KIF5C: variants seen among roughly 807,000 people sequenced by gnomAD.
KIF5C encodes the protein kinesin family member 5C.
In KIF5C, 18 loss-of-function variants were observed where a neutral mutation model predicts 125.2. The observed-to-expected ratio is 0.14, with a 90% CI of 0.10 to 0.21. The LOEUF (loss-of-function observed/expected upper bound fraction) is 0.21, where lower values mean the gene tolerates loss of function less well. Among genes scored for constraint, KIF5C ranks in the 10% least tolerant of loss-of-function variants. The pLI is 1.00. For missense variants in KIF5C, 780 were observed against 1,183.8 expected (o/e 0.66, Z 5.01); for synonymous variants, 405 against 434.0 (o/e 0.93, Z 0.83).
chr2:148,915,733 A>G (rs1681519760), intron 1 of KIF5C, among the ~76,000 whole-genome samples: 1 of 152,218 alleles, frequency 6.6e-6, no homozygotes, highest in Non-Finnish European at 1.5e-5. Context: ...ATGGAAGTGC[A>G]GGTTTCTTTG....
intron 1 of KIF5C, among the ~76,000 whole-genome samples, chr2:148,899,617 C>T (rs1166266481): frequency 1.3e-5 from 2 of 149,276 alleles, no homozygotes; most frequent in Non-Finnish European, 3.0e-5. Context: ...GCAGGAGAAT[C>T]GCTTGATTCC....
chr2:148,961,329 A>C (rs2105129817), intron 10 of KIF5C, among the ~76,000 whole-genome samples: 1 of 152,234 alleles, frequency 6.6e-6, no homozygotes, highest in South Asian at 2.1e-4. Flanking sequence ...GCAGGGAGCC[A>C]TGGTGTCCTC....
intron 3 of KIF5C, among the ~76,000 whole-genome samples, chr2:148,931,468 C>T (rs1682184623): frequency 1.3e-5 from 2 of 151,704 alleles, no homozygotes; most frequent in Non-Finnish European, 2.9e-5. Context: ...CGAGACCAGC[C>T]TGGCTAACAT....
intron 1 of KIF5C, among the ~76,000 whole-genome samples, chr2:148,901,097 T>G (rs1357069840): frequency 6.6e-6 from 1 of 152,138 alleles, no homozygotes; most frequent in Non-Finnish European, 1.5e-5. Flanking sequence ...CTTAGGTGGT[T>G]GTTGCGAGAT....
intron 1 of KIF5C, among the ~76,000 whole-genome samples, chr2:148,906,014 T>G (rs1233271793): frequency 1.3e-5 from 2 of 152,014 alleles, no homozygotes; most frequent in Admixed American, 6.5e-5. Flanking sequence ...GGTACCCCCA[T>G]GACATGTGGG....
At chr2:148,975,647 C>T (rs1466923154) in intron 12 of KIF5C, among the ~76,000 whole-genome samples, 1 of 152,208 alleles carries the variant, frequency 6.6e-6, no homozygotes, top group African/African-American at 2.4e-5. Context: ...CCCTTCTGTT[C>T]CTCCGTGCTG....
chr2:148,973,776 A>C (rs1465251278), intron 12 of KIF5C, among the ~76,000 whole-genome samples: 1 of 152,078 alleles, frequency 6.6e-6, no homozygotes, highest in Non-Finnish European at 1.5e-5. Flanking sequence ...TAGAAATTGG[A>C]CTGGGCTGAT....
intron 1 of KIF5C, among the ~76,000 whole-genome samples, chr2:148,921,714 C>T (rs1035396470): frequency 3.3e-5 from 5 of 152,178 alleles, no homozygotes; most frequent in African/African-American, 9.7e-5. Context: ...AGGCATTTTG[C>T]GTTTTCCTAT....
At chr2:149,003,127 T>A (rs1681906971) in intron 21 of KIF5C, among the ~76,000 whole-genome samples, 1 of 152,224 alleles carries the variant, frequency 6.6e-6, no homozygotes, top group Non-Finnish European at 1.5e-5. Flanking sequence ...AATCCAAGAG[T>A]GGAGCCCTGC....
At chr2:149,013,215 A>G (rs1179586650) in intron 25 of KIF5C, among the ~76,000 whole-genome samples, 1 of 152,266 alleles carries the variant, frequency 6.6e-6, no homozygotes, top group East Asian at 1.9e-4. Context: ...CAGTGAAAAC[A>G]GAAACCTAGC....
intron 25 of KIF5C, among the ~76,000 whole-genome samples, chr2:149,013,998 G>A (rs1006146852): frequency 2.6e-5 from 4 of 152,062 alleles, no homozygotes; most frequent in Admixed American, 6.5e-5. Context: ...GTATACATGT[G>A]CCATGATGGT....
chr2:148,920,825 C>T (rs1029889402), intron 1 of KIF5C, among the ~76,000 whole-genome samples: 8 of 152,178 alleles, frequency 5.3e-5, no homozygotes, highest in Admixed American at 5.2e-4. Context: ...CGAGGAGTCC[C>T]ACTGTCCTTG....
At chr2:148,974,194 AGAATT>A (rs1680997291) in intron 12 of KIF5C, among the ~76,000 whole-genome samples, 1 of 152,240 alleles carries the variant, frequency 6.6e-6, no homozygotes, top group Non-Finnish European at 1.5e-5. Flanking sequence ...CAGAGGCATG[AGAATT>A]GAATTGATGT....
chr2:148,976,884 T>G (rs1574806200), intron 12 of KIF5C, among the ~76,000 whole-genome samples: 1 of 152,346 alleles, frequency 6.6e-6, no homozygotes, highest in East Asian at 1.9e-4. Flanking sequence ...ACTGGCCTTA[T>G]GTTATTTCAT....
chr2:149,022,457 A>G (rs1682560317), intron 25 of KIF5C, among the ~76,000 whole-genome samples: 1 of 152,006 alleles, frequency 6.6e-6, no homozygotes, highest in Non-Finnish European at 1.5e-5. Flanking sequence ...CCAGATTGCA[A>G]ACACTATTGT....
rs944256253 is a variant in KIF5C, at chr2:148,924,103, G to A, written c.217+1876G>A. ...AAAAGGAATTGATGAAGGTCTGATT[G>A]GATTTCACAAATATCCACTGAGGCT... On this transcript the variant is annotated intron_variant, in intron 2 of 25. Coordinates refer to ENST00000435030, the MANE Select transcript of KIF5C (RefSeq NM_004522.3). The surrounding 1 kb of genome is among the most constrained non-coding windows in gnomAD (Gnocchi z 4.0). Among the ~76,000 whole-genome samples the A allele has an allele frequency of 6.6e-6, 1 of 152,134 alleles. No individual in the cohort carries two copies. The highest frequency in any genetic ancestry group is 2.4e-5 in the African/African-American group (1 of 41,424).
At position 148,997,998 on chromosome 2, in the gene KIF5C, A is replaced by C. The variant is rs1030846950; in HGVS notation, c.2101-402A>C. 1.2e-4 allele frequency: 26 copies of C among 212,764 alleles called. 1 individual carries two copies. The East Asian group carries it at 2.7e-3, about 22-fold the overall frequency. The allele number at this position is 212,764 out of a possible 1,614,324, so 13.2% of individuals were successfully genotyped here. A position where few individuals can be genotyped will look rare whatever the true frequency, so the allele number is the denominator to read the frequency against. On this transcript the variant is annotated intron_variant, in intron 18 of 25. Coordinates refer to ENST00000435030, the MANE Select transcript of KIF5C (RefSeq NM_004522.3). ...ATCATCATAAATCTGTGCAGTGGGCAGGGCAGGGGCTTTTATCTCAGTTTT... is the reference window on the plus strand; with the variant it reads ...ATCATCATAAATCTGTGCAGTGGGCCGGGCAGGGGCTTTTATCTCAGTTTT...
chr2:149,017,946 T>A (rs767487202), intron 25 of KIF5C, among the ~76,000 whole-genome samples: 4 of 152,162 alleles, frequency 2.6e-5, no homozygotes, highest in Non-Finnish European at 5.9e-5. Flanking sequence ...CTAGGTGCAA[T>A]GCGACCCCGG....
Position 149,021,222 on chromosome 2 carries a change from C to T in KIF5C, c.*8-1856C>T, listed in dbSNP as rs188454533. 2.3e-3 allele frequency among the ~76,000 whole-genome samples: 346 copies of T among 152,140 alleles called. 1 individual carries two copies. The highest frequency in any genetic ancestry group is 3.7e-3 in the Non-Finnish European group (251 of 68,010). ...GGACTACACATACAAGCCACCATGC[C>T]GGGCTAATTTTTGTATTTTTAGTAG... On this transcript the variant is annotated intron_variant, in intron 25 of 25. Transcript: ENST00000435030.
Sources: allele counts gnomAD v4.1 joint callset (sites outside exome capture counted in the v4.1 genomes callset), GRCh38; gene constraint gnomAD v4.1.1; non-coding constraint Gnocchi (gnomAD v3.1); transcripts MANE v1.5; gene names NCBI Gene and HGNC (gene_info 2026-07-23, HGNC 2026-07-21).